The following PREX1 variants were observed in gnomAD, a reference collection of about 807,000 sequenced individuals.
PREX1 encodes phosphatidylinositol-3,4,5-trisphosphate dependent Rac exchange factor 1.
PREX1 carries 41 observed loss-of-function variants against 198.3 expected under a neutral mutation model. The ratio of observed to expected loss-of-function variants is 0.21; its 90% confidence interval spans 0.16 to 0.27. The LOEUF (loss-of-function observed/expected upper bound fraction) is 0.27, where lower values mean the gene tolerates loss of function less well. PREX1 is among the 10% of genes least tolerant of loss of function. The pLI is 1.00. For synonymous variants in PREX1, 843 were observed against 887.2 expected, an observed-to-expected ratio of 0.95 and a Z score of 0.89; for missense variants, 1,620 against 2,200.7, an observed-to-expected ratio of 0.74 and a Z score of 5.28.
intron 25 of PREX1, 82 bp from the exon 26 acceptor site, chr20:48,646,139 A>T: frequency 1.4e-6 from 2 of 1,386,712 alleles, no homozygotes; most frequent in Non-Finnish European, 2.0e-6. Context: ...CAGCAGCTGC[A>T]GGTGTGAGCA....
At chr20:48,810,964 G>A (rs946849971) in intron 1 of PREX1, among the ~76,000 whole-genome samples, 2 of 152,140 alleles carry the variant, frequency 1.3e-5, no homozygotes, top group Non-Finnish European at 2.9e-5. Flanking sequence ...TTTGGTCTCA[G>A]TGTTAGGAAC....
chr20:48,847,722 AC>A, the PREX1 span, among the ~76,000 whole-genome samples: 3 of 152,172 alleles, frequency 2.0e-5, no homozygotes, highest in Non-Finnish European at 4.4e-5. Context: ...ACAAATGTCT[AC>A]ACCCGTGTGT....
At chr20:48,884,608 G>A in the PREX1 span, among the ~76,000 whole-genome samples, 1 of 152,264 alleles carries the variant, frequency 6.6e-6, no homozygotes, top group East Asian at 1.9e-4. Context: ...GTAAAGCAAG[G>A]CCTTGTTACA....
intron 14 of PREX1, among the ~76,000 whole-genome samples, chr20:48,669,305 C>T (rs1036247380): frequency 1.3e-4 from 20 of 152,148 alleles, no homozygotes; most frequent in Non-Finnish European, 2.1e-4. Flanking sequence ...CTGAAAGTAG[C>T]CCCCCAAACA....
rs968936069 is a variant in PREX1, at chr20:48,700,797, G to A, written c.873C>T (p.Phe291=). ...ISAGNIQERA[F]FLFDNLLVYC... ...AGACGAGAAGGTTGTCGAAGAGGAA[G>A]AAGGCCCTTTCCTGGATGTTGCCCG... Residue 291 remains phenylalanine (F), a synonymous_variant, in exon 7 of 40, where the codon TTC becomes TTT. Transcript: ENST00000371941. The A allele has an allele frequency of 3.1e-6, 5 of 1,613,878 alleles. No individual in the cohort carries two copies. In the African/African-American group the frequency reaches 6.7e-5, roughly 22 times the overall value.
chr20:48,638,225 C>G (rs1387938985), intron 30 of PREX1, among the ~76,000 whole-genome samples: 1 of 152,174 alleles, frequency 6.6e-6, no homozygotes, highest in Non-Finnish European at 1.5e-5. Context: ...CACAAGCACA[C>G]AGCAGACACA....
At position 48,655,391 on chromosome 20, in the gene PREX1, G is replaced by C; in HGVS notation, c.2124-16C>G. ...TTTGATGATCCTGCACCAGGTAGAA[G>C]AGGCAGGGAAAAAGGCCATGAGGAA... On this transcript the variant is annotated splice_polypyrimidine_tract_variant and intron_variant, in intron 18 of 39. Transcript: ENST00000371941. The C allele has an allele frequency of 6.6e-7, 1 of 1,508,530 alleles. No individual in the cohort carries two copies. The highest frequency in any genetic ancestry group is 9.0e-7 in the Non-Finnish European group (1 of 1,115,494). 93.4% of individuals were successfully genotyped at this position (1,508,530 alleles called of 1,614,324 possible).
chr20:48,677,861 C>T lies in PREX1; in HGVS notation c.1589+1499G>A, dbSNP rs113459980. ...ATTACCCAGGCATGGTGGTGCATGCCTGTAATCCCAGCTACTCGGGAGGCT... is the reference window on the plus strand; with the variant it reads ...ATTACCCAGGCATGGTGGTGCATGCTTGTAATCCCAGCTACTCGGGAGGCT... On this transcript the variant is annotated intron_variant, in intron 13 of 39. Transcript: ENST00000371941. Among the ~76,000 whole-genome samples the T allele has an allele frequency of 6.1e-3, 929 of 151,878 alleles. 6 individuals carry two copies. The highest frequency in any genetic ancestry group is 8.3e-3 in the Non-Finnish European group (564 of 67,974).
At chr20:48,776,616 T>G (rs1489240383) in intron 1 of PREX1, among the ~76,000 whole-genome samples, 1 of 152,208 alleles carries the variant, frequency 6.6e-6, no homozygotes, top group South Asian at 2.1e-4. Context: ...GAACACTGCT[T>G]GTAGGGCTGG....
intron 22 of PREX1, 74 bp downstream of exon 22, chr20:48,651,322 C>T (rs1241072350): frequency 3.3e-6 from 5 of 1,515,962 alleles, no homozygotes; most frequent in Non-Finnish European, 4.4e-6. Flanking sequence ...CCAACTCCTT[C>T]TCCCAACCTT....
chr20:48,847,377 AAAAAAAAC>A, the PREX1 span, among the ~76,000 whole-genome samples: 1 of 151,174 alleles, frequency 6.6e-6, no homozygotes, highest in Non-Finnish European at 1.5e-5. Flanking sequence ...AAAAAAAAAA[AAAAAAAAC>A]AAACCCTCCC....
chr20:48,853,608 G>A, the PREX1 span, among the ~76,000 whole-genome samples: 1 of 152,168 alleles, frequency 6.6e-6, no homozygotes, highest in Non-Finnish European at 1.5e-5. Flanking sequence ...GGGACACAGA[G>A]CCAAACCATA....
intron 39 of PREX1, 47 bp downstream of exon 39, chr20:48,627,501 C>G: frequency 6.2e-7 from 1 of 1,603,016 alleles, no homozygotes. Context: ...AGGCCTGGGT[C>G]GCCAGCTGGG....
intron 1 of PREX1, among the ~76,000 whole-genome samples, chr20:48,816,655 G>A (rs1045329666): frequency 6.6e-6 from 1 of 152,074 alleles, no homozygotes; most frequent in Non-Finnish European, 1.5e-5. Flanking sequence ...GGCACCTCTA[G>A]GAAGTGAGGG....
intron 13 of PREX1, among the ~76,000 whole-genome samples, chr20:48,677,857 A>G (rs968832971): frequency 6.6e-6 from 1 of 151,702 alleles, no homozygotes; most frequent in African/African-American, 2.4e-5. Flanking sequence ...ATGGTGGTGC[A>G]TGCCTGTAAT....
chr20:48,680,803 T>C (rs1336496198), intron 11 of PREX1, among the ~76,000 whole-genome samples: 1 of 152,188 alleles, frequency 6.6e-6, no homozygotes, highest in African/African-American at 2.4e-5. Context: ...CCTATCATGT[T>C]TTACTATCTT....
chr20:48,784,371 A>G (rs769005027), intron 1 of PREX1, among the ~76,000 whole-genome samples: 9 of 152,192 alleles, frequency 5.9e-5, no homozygotes, highest in Non-Finnish European at 1.0e-4. Context: ...GAATTCATGC[A>G]ATGTTGTTAT....
chr20:48,637,572 C>G, intron 31 of PREX1, 139 bp downstream of exon 31: 1 of 858,706 alleles, frequency 1.2e-6, no homozygotes, highest in Non-Finnish European at 1.7e-6. Context: ...GAGGAAGAAG[C>G]AAGTTTCAAG....
intron 1 of PREX1, among the ~76,000 whole-genome samples, chr20:48,793,104 C>T (rs2090345885): frequency 6.6e-6 from 1 of 152,066 alleles, no homozygotes; most frequent in Admixed American, 6.6e-5. Flanking sequence ...ACTTGGAAGG[C>T]TGAGGGGGGA....
Sources: gnomAD v4.1 joint callset for allele counts (sites outside exome capture counted in the v4.1 genomes callset) on GRCh38, gnomAD v4.1.1 for gene constraint, MANE v1.5 for transcripts, NCBI Gene and HGNC (gene_info 2026-07-23, HGNC 2026-07-21) for gene names.